The following FZD6 variants were observed in gnomAD, a reference collection of about 807,000 sequenced individuals.
FZD6 encodes the protein frizzled class receptor 6.
Under a neutral mutation model 61.4 loss-of-function variants are expected in FZD6, and 49 were observed. That is an observed-to-expected ratio of 0.80 (90% CI 0.63 to 1.01). The LOEUF (loss-of-function observed/expected upper bound fraction) is 1.01, where lower values mean the gene tolerates loss of function less well. Ranked by LOEUF, FZD6 falls within the 50% of genes least tolerant of loss-of-function variation. The pLI is 0.00. For synonymous variants in FZD6, 265 were observed against 292.2 expected (o/e 0.91, Z 0.95); for missense variants, 724 against 848.2 (o/e 0.85, Z 1.82).
At chr8:103,324,351 T>C (rs1465627896) in intron 3 of FZD6, 130 bp from the exon 4 acceptor site, 1 of 606,398 alleles carries the variant, frequency 1.6e-6, no homozygotes, top group Non-Finnish European at 2.8e-6. Flanking sequence ...CTGTAATCCA[T>C]TTAGATTTGT....
chr8:103,329,530 A>G, intron 5 of FZD6, 125 bp from the exon 6 acceptor site: 1 of 644,414 alleles, frequency 1.6e-6, no homozygotes, highest in South Asian at 2.0e-5. Flanking sequence ...TATAATATAA[A>G]CCATAGAATT....
chr8:103,303,755 G>A (rs375351542), intron 2 of FZD6, among the ~76,000 whole-genome samples: 20 of 152,298 alleles, frequency 1.3e-4, no homozygotes, highest in Admixed American at 5.9e-4. Context: ...GAGCCTAGCT[G>A]TAATGAAATA....
chr8:103,301,313 G>GT (rs1472915622), intron 2 of FZD6, among the ~76,000 whole-genome samples: 2 of 151,968 alleles, frequency 1.3e-5, no homozygotes, highest in East Asian at 1.9e-4. Flanking sequence ...TCTTTCAGTG[G>GT]TTTTTTTCAA....
chr8:103,317,434 AAG>A (rs1814658959), intron 2 of FZD6, among the ~76,000 whole-genome samples: 3 of 152,184 alleles, frequency 2.0e-5, no homozygotes, highest in Admixed American at 2.0e-4. Flanking sequence ...TAAGATTAGC[AAG>A]TGTGGGAAGT....
chr8:103,306,090 T>A (rs1190635743), intron 2 of FZD6, among the ~76,000 whole-genome samples: 1 of 152,238 alleles, frequency 6.6e-6, no homozygotes, highest in Non-Finnish European at 1.5e-5. Flanking sequence ...ACACATTCCT[T>A]TGTAGTATCA....
chr8:103,321,567 A>C (rs1450482752), intron 3 of FZD6, among the ~76,000 whole-genome samples: 2 of 152,216 alleles, frequency 1.3e-5, no homozygotes, highest in African/African-American at 4.8e-5. Context: ...AAAAACATGA[A>C]GGCTGCATCT....
Position 103,324,857 on chromosome 8 carries a change from G to A in FZD6, c.751G>A (p.Gly251Arg), listed in dbSNP as rs1389553987. The A allele has an allele frequency of 6.2e-7, 1 of 1,613,944 alleles. No individual in the cohort carries two copies. ...CATTGTATCTCTTATGTACTTCATT[G>A]GATTTTTGCTAGGCGATAGCACAGC... ...YSIVSLMYFI[G>R]FLLGDSTACN... The change falls in exon 4 of 7, where the codon GGA becomes AGA. Residue 251 changes from glycine (G) to arginine (R), a missense_variant. Coordinates refer to ENST00000358755, the MANE Select transcript of FZD6 (RefSeq NM_003506.4).
intron 2 of FZD6, chr8:103,307,908 A>C (rs1814386153): frequency 2.2e-6 from 1 of 456,106 alleles, no homozygotes; most frequent in South Asian, 1.5e-5. Context: ...ACTTATAAGC[A>C]AGGGATTTCA....
Position 103,329,836 on chromosome 8 carries a change from A to G in FZD6, c.1723A>G (p.Ile575Val), listed in dbSNP as rs745879785. The G allele has an allele frequency of 1.1e-5, 17 of 1,613,764 alleles. No homozygotes were observed. Among genetic ancestry groups the G allele is most frequent in the East Asian group, 2.2e-5 (1 of 44,900 alleles). The change falls in exon 6 of 7, where the codon ATT becomes GTT. Residue 575 changes from isoleucine (I) to valine (V), a missense_variant. Physicochemically the swap from Ile to Val is conservative, Grantham distance 29. Transcript: ENST00000358755. ...TANHGTSAVAITSHDYLGQET... is the reference protein window; with the variant it reads ...TANHGTSAVAVTSHDYLGQET... Reference sequence around the variant, plus strand: ...AAATCATGGCACTTCTGCAGTAGCAATTACTAGCCATGATTACCTAGGACA... The same window carrying G: ...AAATCATGGCACTTCTGCAGTAGCAGTTACTAGCCATGATTACCTAGGACA...
chr8:103,313,753 G>T (rs1814557408), intron 2 of FZD6, among the ~76,000 whole-genome samples: 1 of 133,476 alleles, frequency 7.5e-6, no homozygotes, highest in Admixed American at 7.7e-5. Context: ...CCTGAGACTT[G>T]ATTTTTCTGT....
intron 2 of FZD6, among the ~76,000 whole-genome samples, chr8:103,314,797 C>A (rs827542): frequency 0.93 from 141,986 of 152,272 alleles, 66,252 homozygotes; most frequent in East Asian, 1. Context: ...TTTACTAAAG[C>A]AGATATATTG....
chr8:103,302,334 C>T (rs1368721652), intron 2 of FZD6, among the ~76,000 whole-genome samples: 1 of 151,776 alleles, frequency 6.6e-6, no homozygotes, highest in East Asian at 1.9e-4. Context: ...TGTAAGTGAC[C>T]CTAAAGATCA....
At chr8:103,320,258 G>C (rs927329952) in intron 3 of FZD6, among the ~76,000 whole-genome samples, 6 of 152,176 alleles carry the variant, frequency 3.9e-5, no homozygotes, top group African/African-American at 1.4e-4. Context: ...ATGGAGCATG[G>C]GAGAATGAGT....
chr8:103,317,964 G>A (rs922445519), intron 2 of FZD6, among the ~76,000 whole-genome samples: 3 of 152,108 alleles, frequency 2.0e-5, no homozygotes, highest in Non-Finnish European at 2.9e-5. Flanking sequence ...GCAGAGATAC[G>A]GTGGGATTGA....
intron 3 of FZD6, among the ~76,000 whole-genome samples, chr8:103,322,243 T>A (rs1814810272): frequency 6.6e-6 from 1 of 152,090 alleles, no homozygotes; most frequent in Admixed American, 6.6e-5. Flanking sequence ...ATGGTCTTTT[T>A]TGGATATAAA....
intron 2 of FZD6, among the ~76,000 whole-genome samples, chr8:103,300,600 G>T (rs565608609): frequency 1.3e-5 from 2 of 152,016 alleles, no homozygotes; most frequent in Non-Finnish European, 2.9e-5. Context: ...CTAGAAATGC[G>T]AATTCTGAAT....
chr8:103,316,537 T>C (rs1216528645), intron 2 of FZD6, among the ~76,000 whole-genome samples: 1 of 152,230 alleles, frequency 6.6e-6, no homozygotes, highest in Non-Finnish European at 1.5e-5. Context: ...CATCTTCTAG[T>C]TGCTTCCTAA....
At chr8:103,331,241 C>G in intron 6 of FZD6, 100 bp from the exon 7 acceptor site, 1 of 841,318 alleles carries the variant, frequency 1.2e-6, no homozygotes, top group Non-Finnish European at 2.1e-6. Flanking sequence ...TATTTATTCT[C>G]TGATAAAGGT....
chr8:103,332,753 T>G lies in FZD6; in HGVS notation c.*1244T>G, dbSNP rs1815178964. The G allele has an allele frequency of 6.6e-6, 1 of 152,652 alleles. No homozygotes were observed. The highest frequency in any genetic ancestry group is 2.4e-5 in the African/African-American group (1 of 41,464). The allele number at this position is 152,652 out of a possible 1,614,324, so 9.5% of individuals were successfully genotyped here. ...CTGTTAAGGCACAAAAACTATGTAC[T>G]GTATGGGAAATGTTGTAAATATTAC... On this transcript the variant is annotated 3_prime_UTR_variant, in exon 7 of 7. Coordinates refer to ENST00000358755, the MANE Select transcript of FZD6 (RefSeq NM_003506.4).
Sources: allele counts gnomAD v4.1 joint callset (sites outside exome capture counted in the v4.1 genomes callset), GRCh38; gene constraint gnomAD v4.1.1; transcripts MANE v1.5; gene names NCBI Gene and HGNC (gene_info 2026-07-23, HGNC 2026-07-21).